The following LRGUK variants were observed in gnomAD, a reference collection of about 807,000 sequenced individuals.
LRGUK encodes leucine-rich repeat and guanylate kinase domain-containing protein.
A neutral mutation model predicts 76.0 loss-of-function variants in LRGUK; 65 were observed. The ratio of observed to expected loss-of-function variants is 0.85; its 90% confidence interval spans 0.70 to 1.05. LRGUK has a LOEUF of 1.05. LRGUK is among the 50% of genes least tolerant of loss of function. The probability of loss-of-function intolerance (pLI) is 0.00; values close to 1 mark genes in which losing one functional copy is unlikely to be tolerated. For missense variants in LRGUK, 758 were observed against 732.8 expected, an observed-to-expected ratio of 1.03 and a Z score of -0.40; for synonymous variants, 268 against 265.6, an observed-to-expected ratio of 1.01 and a Z score of -0.09.
At chr7:134,153,211 A>C (rs879454562) in intron 5 of LRGUK, among the ~76,000 whole-genome samples, 6 of 151,876 alleles carry the variant, frequency 4.0e-5, no homozygotes, top group Non-Finnish European at 8.8e-5. Flanking sequence ...AATTATTTAA[A>C]ATTAAAAAAA....
At chr7:134,157,533 G>GT (rs1431211693) in intron 5 of LRGUK, among the ~76,000 whole-genome samples, 2 of 152,164 alleles carry the variant, frequency 1.3e-5, no homozygotes, top group Non-Finnish European at 2.9e-5. Context: ...AAAGCTATGC[G>GT]TTTTTTTGAG....
chr7:134,222,518 T>C (rs1237660892), intron 16 of LRGUK, among the ~76,000 whole-genome samples: 1 of 152,238 alleles, frequency 6.6e-6, no homozygotes. Context: ...AATTGCAATT[T>C]GCTGCAGAAG....
At chr7:134,160,739 G>A (rs1302461819) in intron 6 of LRGUK, among the ~76,000 whole-genome samples, 2 of 152,170 alleles carry the variant, frequency 1.3e-5, no homozygotes, top group African/African-American at 4.8e-5. Context: ...AGTAAATGCT[G>A]CTTGTTTTTT....
intron 18 of LRGUK, among the ~76,000 whole-genome samples, chr7:134,257,204 C>T: frequency 6.6e-6 from 1 of 152,136 alleles, no homozygotes; most frequent in Admixed American, 6.5e-5. Context: ...AGACGTTGGC[C>T]CTCATTAAAA....
At chr7:134,276,436 T>C in the LRGUK span, among the ~76,000 whole-genome samples, 3 of 152,096 alleles carry the variant, frequency 2.0e-5, no homozygotes, top group African/African-American at 7.2e-5. Flanking sequence ...TCTGTTAGGC[T>C]CGGTCACGGA....
At chr7:134,150,455 C>T (rs368110686) in intron 5 of LRGUK, among the ~76,000 whole-genome samples, 12 of 140,820 alleles carry the variant, frequency 8.5e-5, no homozygotes, top group African/African-American at 2.9e-4. Flanking sequence ...AGCGAGACTT[C>T]GTCTCAAAAC....
At chr7:134,162,704 G>T (rs1798796837) in intron 6 of LRGUK, among the ~76,000 whole-genome samples, 1 of 151,980 alleles carries the variant, frequency 6.6e-6, no homozygotes, top group Non-Finnish European at 1.5e-5. Flanking sequence ...GTGCGTGCCT[G>T]TAGTCCCAGG....
At chr7:134,133,654 A>G (rs1199373039) in intron 1 of LRGUK, among the ~76,000 whole-genome samples, 7 of 152,170 alleles carry the variant, frequency 4.6e-5, no homozygotes, top group African/African-American at 1.2e-4. Flanking sequence ...AACATGACAC[A>G]GTCCTGCCTC....
chr7:134,199,060 T>C (rs1465268403), intron 13 of LRGUK, among the ~76,000 whole-genome samples, 160 bp from the exon 14 acceptor site: 1 of 152,154 alleles, frequency 6.6e-6, no homozygotes, highest in Non-Finnish European at 1.5e-5. Flanking sequence ...AATCCAATCT[T>C]GAGATATTTA....
chr7:134,250,962 T>C (rs1802427959), intron 18 of LRGUK, among the ~76,000 whole-genome samples: 1 of 152,216 alleles, frequency 6.6e-6, no homozygotes, highest in Admixed American at 6.5e-5. Context: ...AGACTTTCAA[T>C]GAGTATTCAT....
chr7:134,274,363 T>C, the LRGUK span, among the ~76,000 whole-genome samples: 1 of 152,206 alleles, frequency 6.6e-6, no homozygotes, highest in Non-Finnish European at 1.5e-5. Context: ...ATGGCTTATA[T>C]AGTTTATATT....
chr7:134,231,058 G>A (rs995162827), intron 16 of LRGUK, among the ~76,000 whole-genome samples: 5 of 152,168 alleles, frequency 3.3e-5, no homozygotes, highest in Non-Finnish European at 7.4e-5. Context: ...TTTTCTGAGG[G>A]CTGTAGTTTG....
At chr7:134,250,182 A>G (rs963292603) in intron 18 of LRGUK, among the ~76,000 whole-genome samples, 2 of 152,212 alleles carry the variant, frequency 1.3e-5, no homozygotes, top group African/African-American at 4.8e-5. Flanking sequence ...CTATTTCTCT[A>G]GAATTACCAG....
chr7:134,201,620 T>C (rs753645335), intron 15 of LRGUK, 44 bp downstream of exon 15: 15 of 1,418,606 alleles, frequency 1.1e-5, no homozygotes, highest in Middle Eastern at 1.8e-4. Context: ...TTTTTTTTCA[T>C]GGAAAGGAAA....
At chr7:134,216,084 A>C (rs1246222915) in intron 15 of LRGUK, among the ~76,000 whole-genome samples, 1 of 152,206 alleles carries the variant, frequency 6.6e-6, no homozygotes, top group Admixed American at 6.5e-5. Context: ...GGCAAGTTAC[A>C]GAGTTCTAAT....
intron 5 of LRGUK, among the ~76,000 whole-genome samples, chr7:134,155,169 T>G (rs2116897944): frequency 6.6e-6 from 1 of 152,334 alleles, no homozygotes; most frequent in Middle Eastern, 3.4e-3. Flanking sequence ...GCATAGTTTT[T>G]GTTGCCAAAG....
chr7:134,144,719 T>C (rs1797899329), intron 4 of LRGUK, among the ~76,000 whole-genome samples: 2 of 152,220 alleles, frequency 1.3e-5, no homozygotes. Context: ...ATGAGAGACC[T>C]TAATTTTCAA....
chr7:134,149,774 C>G (rs186086776), intron 5 of LRGUK, among the ~76,000 whole-genome samples: 1 of 152,254 alleles, frequency 6.6e-6, no homozygotes, highest in Non-Finnish European at 1.5e-5. Context: ...AAAGAAATAG[C>G]TGGACAGTCC....
At chr7:134,270,691 A>G in the LRGUK span, among the ~76,000 whole-genome samples, 9 of 152,130 alleles carry the variant, frequency 5.9e-5, no homozygotes, top group Non-Finnish European at 1.2e-4. Context: ...ATTAATCCAC[A>G]TAGTTTTTAT....
Sources: allele counts gnomAD v4.1 joint callset (sites outside exome capture counted in the v4.1 genomes callset), GRCh38; gene constraint gnomAD v4.1.1; transcripts MANE v1.5; gene names NCBI Gene and HGNC (gene_info 2026-07-23, HGNC 2026-07-21).